Variants in PTPRN2 observed in about 807,000 individuals in gnomAD.
PTPRN2 encodes protein tyrosine phosphatase receptor type N2, also known as receptor-type tyrosine-protein phosphatase N2.
Under a neutral mutation model 118.8 loss-of-function variants are expected in PTPRN2, and 74 were observed. The observed-to-expected ratio is 0.62, with a 90% CI of 0.52 to 0.76. PTPRN2 has a LOEUF of 0.76. Among genes scored for constraint, PTPRN2 ranks in the 30% least tolerant of loss-of-function variants. The probability of loss-of-function intolerance (pLI) is 0.00; values close to 1 mark genes in which losing one functional copy is unlikely to be tolerated. For missense variants in PTPRN2, 1,481 were observed against 1,394.4 expected (o/e 1.06, Z -0.99); for synonymous variants, 641 against 608.0 (o/e 1.05, Z -0.80).
At chr7:157,567,434 G>A (rs1799544324) in intron 21 of PTPRN2, among the ~76,000 whole-genome samples, 1 of 152,184 alleles carries the variant, frequency 6.6e-6, no homozygotes, top group South Asian at 2.1e-4. Flanking sequence ...GGGCTGGGCT[G>A]CAGCCCTCCC....
Position 158,570,466 on chromosome 7 carries a change from G to A in PTPRN2, c.112+17092C>T, listed in dbSNP as rs1393378194. Reference sequence around the variant, plus strand: ...CATCCTCACAGACGGACTCTGCACCGTGAGAAAGCGGCTTCGGCAGCTCCG... The same window carrying A: ...CATCCTCACAGACGGACTCTGCACCATGAGAAAGCGGCTTCGGCAGCTCCG... On this transcript the variant is annotated intron_variant, in intron 1 of 22. Transcript: ENST00000389418. This position sits in a 1 kb window ranked among gnomAD's most constrained non-coding sequence, Gnocchi z 4.5. 6.6e-6 allele frequency among the ~76,000 whole-genome samples: 1 copy of A among 152,172 alleles called. No individual in the cohort carries two copies. Among genetic ancestry groups the A allele is most frequent in the Non-Finnish European group, 1.5e-5 (1 of 68,032 alleles).
intron 2 of PTPRN2, among the ~76,000 whole-genome samples, chr7:158,351,082 T>C (rs1463634625): frequency 6.6e-6 from 1 of 152,138 alleles, no homozygotes; most frequent in East Asian, 1.9e-4. Context: ...AAAGCTGCTT[T>C]GGGGAATGCT....
At chr7:157,581,349 T>TC (rs1263626017) in intron 17 of PTPRN2, among the ~76,000 whole-genome samples, 7 of 152,190 alleles carry the variant, frequency 4.6e-5, no homozygotes, top group African/African-American at 1.7e-4. Flanking sequence ...GGCCTCAGCA[T>TC]CCCCCTTGAA....
At chr7:157,707,118 T>C (rs998951794) in intron 12 of PTPRN2, among the ~76,000 whole-genome samples, 2 of 152,184 alleles carry the variant, frequency 1.3e-5, no homozygotes, top group Non-Finnish European at 2.9e-5. Flanking sequence ...TGGGAATCTA[T>C]AGATTCAGGT....
intron 9 of PTPRN2, among the ~76,000 whole-genome samples, chr7:158,112,344 A>G (rs985369530): frequency 7.9e-5 from 12 of 152,178 alleles, no homozygotes; most frequent in African/African-American, 2.9e-4. Flanking sequence ...AGGAGCTGGA[A>G]ACAGGGTATC....
intron 12 of PTPRN2, among the ~76,000 whole-genome samples, chr7:157,777,679 C>A (rs1189026815): frequency 6.6e-6 from 1 of 152,242 alleles, no homozygotes; most frequent in Admixed American, 6.5e-5. Context: ...TTAGGCACAG[C>A]AGTCATTCCT....
At position 157,591,880 on chromosome 7, in the gene PTPRN2, C is replaced by T. The variant is rs1226515112; in HGVS notation, c.2496+3358G>A. Among the ~76,000 whole-genome samples, 3 of 152,162 alleles carry T rather than the reference C, an allele frequency of 2.0e-5. No homozygotes were observed. Among genetic ancestry groups the T allele is most frequent in the Non-Finnish European group, 2.9e-5 (2 of 68,040 alleles). On this transcript the variant is annotated intron_variant, in intron 17 of 22. Coordinates refer to ENST00000389418, the MANE Select transcript of PTPRN2 (RefSeq NM_002847.5). This position sits in a 1 kb window ranked among gnomAD's most constrained non-coding sequence, Gnocchi z 4.4. Reference sequence around the variant, plus strand: ...AAGGATGACGTGGAAGCAATGACGTCGTGGTCAGGGACGTCTGCAGGGAGC... The same window carrying T: ...AAGGATGACGTGGAAGCAATGACGTTGTGGTCAGGGACGTCTGCAGGGAGC...
intron 14 of PTPRN2, among the ~76,000 whole-genome samples, chr7:157,633,629 AGCCAT>A (rs995004457): frequency 1.3e-5 from 2 of 152,120 alleles, no homozygotes; most frequent in African/African-American, 4.8e-5. Context: ...AAACTCTCAG[AGCCAT>A]GGGCCGAGTC....
In PTPRN2 at chr7:157,615,211, G is replaced by A. The variant is rs1802680265; in HGVS notation, c.2344+6151C>T. Among the ~76,000 whole-genome samples the A allele has an allele frequency of 6.6e-6, 1 of 152,230 alleles. No individual in the cohort carries two copies. The highest frequency in any genetic ancestry group is 2.4e-5 in the African/African-American group (1 of 41,468). On this transcript the variant is annotated intron_variant, in intron 15 of 22. Transcript: ENST00000389418. This position sits in a 1 kb window ranked among gnomAD's most constrained non-coding sequence, Gnocchi z 4.3. The stretch of plus-strand genomic sequence containing the variant: ...GCCACGCTACCCCTTCCACTTGAGT[G>A]TTTAAAACTCTTGTAATAAAAAGTG...
intron 11 of PTPRN2, among the ~76,000 whole-genome samples, chr7:158,080,594 A>AAAAAG (rs1812744215): frequency 1.3e-5 from 2 of 151,188 alleles, no homozygotes; most frequent in African/African-American, 4.9e-5. Context: ...AAAAAAAAAA[A>AAAAAG]GGCAGGTTGA....
chr7:158,333,834 T>G (rs200894243), intron 2 of PTPRN2, among the ~76,000 whole-genome samples: 1 of 75,906 alleles, frequency 1.3e-5, no homozygotes, highest in African/African-American at 5.7e-5. Flanking sequence ...ACACCCACAC[T>G]CTCACCATAG....
At chr7:157,774,863 C>T (rs1803100523) in intron 12 of PTPRN2, among the ~76,000 whole-genome samples, 1 of 152,104 alleles carries the variant, frequency 6.6e-6, no homozygotes. Context: ...TCTAGAGGAA[C>T]CATGAGGACA....
rs186736686 is a variant in PTPRN2, at chr7:157,913,295, A to G, written c.1724-14558T>C. Among the ~76,000 whole-genome samples the G allele has an allele frequency of 3.8e-3, 573 of 152,302 alleles. 9 individuals are homozygous for G. Among genetic ancestry groups the G allele is most frequent in the African/African-American group, 0.013 (554 of 41,572 alleles). ...CACCCTTCCTAAACTATCTAATTCC[A>G]TTAGTTTACCTGGATCTTCTTCTGT... is the stretch of plus-strand genomic sequence containing the variant. On this transcript the variant is annotated intron_variant, in intron 11 of 22. Coordinates refer to ENST00000389418, the MANE Select transcript of PTPRN2 (RefSeq NM_002847.5).
chr7:157,636,947 GGAAGA>G (rs1221383291), intron 14 of PTPRN2, among the ~76,000 whole-genome samples: 4 of 152,122 alleles, frequency 2.6e-5, no homozygotes, highest in African/African-American at 7.2e-5. Context: ...CCTTTGATGA[GGAAGA>G]GAAATCGGAA....
intron 1 of PTPRN2, among the ~76,000 whole-genome samples, chr7:158,586,122 C>G (rs1043589880): frequency 2.0e-5 from 3 of 152,234 alleles, no homozygotes; most frequent in Non-Finnish European, 4.4e-5. Flanking sequence ...AGCACAGACA[C>G]TCCCTCCCAG....
At chr7:158,063,204 G>A (rs1475470528) in intron 11 of PTPRN2, among the ~76,000 whole-genome samples, 1 of 151,306 alleles carries the variant, frequency 6.6e-6, no homozygotes, top group African/African-American at 2.4e-5. Flanking sequence ...TAATCTGATG[G>A]GGACTTGGAG....
At chr7:158,063,257 C>G (rs533308126) in intron 11 of PTPRN2, among the ~76,000 whole-genome samples, 1 of 151,978 alleles carries the variant, frequency 6.6e-6, no homozygotes, top group East Asian at 1.9e-4. Flanking sequence ...CACCAATCAG[C>G]ACTCTTGTGT....
At chr7:157,714,871 G>T (rs533841730) in intron 12 of PTPRN2, among the ~76,000 whole-genome samples, 30 of 151,822 alleles carry the variant, frequency 2.0e-4, no homozygotes, top group Non-Finnish European at 3.5e-4. Flanking sequence ...GCAGATTCTA[G>T]GTCTCCCGCT....
chr7:157,893,071 G>T lies in PTPRN2; in HGVS notation c.1788+5602C>A, dbSNP rs892823584. On this transcript the variant is annotated intron_variant, in intron 12 of 22. Coordinates refer to ENST00000389418, the MANE Select transcript of PTPRN2 (RefSeq NM_002847.5). The surrounding 1 kb of genome is among the most constrained non-coding windows in gnomAD (Gnocchi z 4.0). Reference sequence around the variant, plus strand: ...AAATGGCCACGTGGAGAAGGATAATGCTCCAGGAGCTGGTCTCCAGCATTT... The same window carrying T: ...AAATGGCCACGTGGAGAAGGATAATTCTCCAGGAGCTGGTCTCCAGCATTT... Among the ~76,000 whole-genome samples the T allele has an allele frequency of 6.6e-6, 1 of 152,218 alleles. No individual in the cohort carries two copies. The highest frequency in any genetic ancestry group is 2.4e-5 in the African/African-American group (1 of 41,448).
Sources: gnomAD v4.1 joint callset for allele counts (sites outside exome capture counted in the v4.1 genomes callset) on GRCh38, gnomAD v4.1.1 for gene constraint, Gnocchi (gnomAD v3.1) non-coding constraint, MANE v1.5 for transcripts, NCBI Gene and HGNC (gene_info 2026-07-23, HGNC 2026-07-21) for gene names.